CD22: variants seen among roughly 807,000 people sequenced by gnomAD.
CD22 encodes the protein B-cell receptor CD22.
A neutral mutation model predicts 94.7 loss-of-function variants in CD22; 51 were observed. That is an observed-to-expected ratio of 0.54 (90% confidence interval 0.43 to 0.68). The LOEUF (loss-of-function observed/expected upper bound fraction) is 0.68. Ranked by LOEUF, CD22 falls within the 30% of genes least tolerant of loss-of-function variation. The pLI is 0.00. For synonymous variants in CD22, 424 were observed against 422.5 expected, an observed-to-expected ratio of 1.00 and a Z score of -0.04; for missense variants, 931 against 1,060.4, an observed-to-expected ratio of 0.88 and a Z score of 1.69.
chr19:35,346,800 G>GCACACACACACACACACGCACACA lies in CD22; in HGVS notation c.*117_*140dup. 2 of 907,942 alleles carry GCACACACACACACACACGCACACA rather than the reference G, an allele frequency of 2.2e-6. No individual in the cohort carries two copies. Among genetic ancestry groups the GCACACACACACACACACGCACACA allele is most frequent in the African/African-American group, 3.5e-5 (2 of 57,568 alleles). The allele number at this position is 907,942 out of a possible 1,614,324, so 56.2% of individuals were successfully genotyped here. A position where few individuals can be genotyped will look rare whatever the true frequency, so the allele number is the denominator to read the frequency against. On this transcript the variant is annotated 3_prime_UTR_variant, in exon 14 of 14. Coordinates refer to ENST00000085219, the MANE Select transcript of CD22 (RefSeq NM_001771.4). Reference sequence around the variant, plus strand: ...ATGGCTTCCTCCTGCGCGCATGTGCGCACACACACACACACACGCACACAC... The same window carrying GCACACACACACACACACGCACACA: ...ATGGCTTCCTCCTGCGCGCATGTGCGCACACACACACACACACGCACACACACACACACACACACACGCACACAC...
At chr19:35,346,083 G>T in intron 12 of CD22, 68 bp from the exon 13 acceptor site, 2 of 1,205,424 alleles carry the variant, frequency 1.7e-6, no homozygotes, top group Non-Finnish European at 2.5e-6. Flanking sequence ...GGGGCTCTGG[G>T]TGTTGAGAGG....
chr19:35,331,949 G>A (rs1278713659), intron 1 of CD22, 70 bp from the exon 2 acceptor site: 3 of 1,610,760 alleles, frequency 1.9e-6, no homozygotes, highest in Admixed American at 1.7e-5. Context: ...AGCTCAGTGG[G>A]TGAGCAAGAA....
rs1029418682 is a variant in CD22 at position 35,346,778 on chromosome 19, G to A, written c.*81G>A. 1.5e-6 allele frequency: 2 copies of A among 1,349,618 alleles called. No homozygotes were observed. The highest frequency in any genetic ancestry group is 1.0e-6 in the Non-Finnish European group (1 of 988,986). 83.6% of individuals were successfully genotyped at this position (1,349,618 alleles called of 1,614,324 possible). On this transcript the variant is annotated 3_prime_UTR_variant, in exon 14 of 14. Transcript: ENST00000085219. Reference sequence around the variant, plus strand: ...GAGTTTCCCCAGACACCGCCACATGGCTTCCTCCTGCGCGCATGTGCGCAC... The same window carrying A: ...GAGTTTCCCCAGACACCGCCACATGACTTCCTCCTGCGCGCATGTGCGCAC...
chr19:35,336,553 T>G lies in CD22; in HGVS notation c.718+212T>G, dbSNP rs569523517. 8 of 558,884 alleles carry G rather than the reference T, an allele frequency of 1.4e-5. No individual in the cohort carries two copies. In the African/African-American group the frequency reaches 1.5e-4, roughly 10 times the overall value. 34.6% of individuals were successfully genotyped at this position (558,884 alleles called of 1,614,324 possible). A position where few individuals can be genotyped will look rare whatever the true frequency, so the allele number is the denominator to read the frequency against. On this transcript the variant is annotated intron_variant, in intron 4 of 13. Coordinates refer to ENST00000085219, the MANE Select transcript of CD22 (RefSeq NM_001771.4). ...AATGGTCCATCCTCAAGCCATGACATGAATTGGGGATTATCTGGTTAGGTC... is the reference window on the plus strand; with the variant it reads ...AATGGTCCATCCTCAAGCCATGACAGGAATTGGGGATTATCTGGTTAGGTC...
At chr19:35,334,675 A>G (rs2066693009) in intron 3 of CD22, among the ~76,000 whole-genome samples, 1 of 152,226 alleles carries the variant, frequency 6.6e-6, no homozygotes, top group Non-Finnish European at 1.5e-5. Context: ...CCACTCCACT[A>G]AAGGAATGCG....
rs142940326 is a variant in CD22, at chr19:35,341,874, G to A, written c.1944G>A (p.Pro648=). 354 of 1,614,058 alleles carry A rather than the reference G, an allele frequency of 2.2e-4. No homozygotes were observed. The highest frequency in any genetic ancestry group is 1.4e-3 in the Admixed American group (83 of 60,004). Residue 648 remains proline, a synonymous_variant, in exon 9 of 14, where the codon CCG becomes CCA. Coordinates refer to ENST00000085219, the MANE Select transcript of CD22 (RefSeq NM_001771.4). This position sits in a 1 kb window ranked among gnomAD's most constrained non-coding sequence, Gnocchi z 4.0. ...ACAGCCAGAAGCTGAGATTGGAGCCGGTGAAGGTCCAGCACTCGGGTGCCT... is the reference window on the plus strand; with the variant it reads ...ACAGCCAGAAGCTGAGATTGGAGCCAGTGAAGGTCCAGCACTCGGGTGCCT... ...PYHSQKLRLE[P]VKVQHSGAYW... is the part of the protein sequence containing the mutation.
Position 35,341,365 on chromosome 19 carries a change from C to G in CD22, c.1530C>G (p.Val510=), listed in dbSNP as rs1172595058. ...NVQYAPRDVR[V]RKIKPLSEIH... The stretch of plus-strand genomic sequence containing the variant: ...CAGATGCCCCCCGAGACGTGAGGGT[C>G]CGGAAAATCAAGCCCCTTTCCGAGA... Residue 510 remains valine (V), a synonymous_variant, in exon 8 of 14, where the codon GTC becomes GTG. Transcript: ENST00000085219. This position sits in a 1 kb window ranked among gnomAD's most constrained non-coding sequence, Gnocchi z 4.0. 6.2e-7 allele frequency: 1 copy of G among 1,613,410 alleles called. No homozygotes were observed. Among genetic ancestry groups the G allele is most frequent in the Non-Finnish European group, 8.5e-7 (1 of 1,179,848 alleles).
At chr19:35,335,238 A>T (rs114119930) in intron 3 of CD22, among the ~76,000 whole-genome samples, 15,732 of 152,014 alleles carry the variant, frequency 0.1, 1,010 homozygotes, top group East Asian at 0.19. Context: ...ATTTCGGGTG[A>T]GCAAAAGTGA....
chr19:35,332,544 G>A lies in CD22; in HGVS notation c.35-3G>A, dbSNP rs772240812. ...AGTAATGCTTTCTGATCACTGTGGT[G>A]AGTTCTAGAATACTTGGCTTTCTCT... On this transcript the variant is annotated splice_polypyrimidine_tract_variant and splice_region_variant and intron_variant, in intron 2 of 13. Transcript: ENST00000085219. The A allele has an allele frequency of 6.2e-7, 1 of 1,604,472 alleles. No individual in the cohort carries two copies. Among genetic ancestry groups the A allele is most frequent in the Non-Finnish European group, 8.5e-7 (1 of 1,175,658 alleles).
At chr19:35,329,750 T>A (rs2066620112) in intron 1 of CD22, 1 of 155,838 alleles carries the variant, frequency 6.4e-6, no homozygotes, top group African/African-American at 2.4e-5. Context: ...TGGAGGGTGC[T>A]GGCAGAGGAG....
At chr19:35,331,832 G>A (rs1568483397) in intron 1 of CD22, 187 bp from the exon 2 acceptor site, 3 of 1,226,880 alleles carry the variant, frequency 2.4e-6, no homozygotes, top group Non-Finnish European at 3.3e-6. Context: ...GGGAGACAGA[G>A]CAAGACTCTG....
In CD22 at chr19:35,344,859, C is replaced by G. The variant is rs1165436315; in HGVS notation, c.2066C>G (p.Ala689Gly). ...YSPETIGRRV[A>G]VGLGSCLAIL... ...CCGGAGACCATCGGCAGGCGAGTGG[C>G]TGTGGGACTCGGGTCCTGCCTCGCC... Residue 689 changes from alanine to glycine, a missense_variant, in exon 10 of 14, where the codon GCT becomes GGT. Coordinates refer to ENST00000085219, the MANE Select transcript of CD22 (RefSeq NM_001771.4). The G allele has an allele frequency of 6.2e-7, 1 of 1,613,646 alleles. No individual in the cohort carries two copies. Among genetic ancestry groups the G allele is most frequent in the Non-Finnish European group, 8.5e-7 (1 of 1,179,738 alleles).
chr19:35,341,995 T>G lies in CD22; in HGVS notation c.2035+30T>G, dbSNP rs1223016072. ...GGCCTCTTCCTGCTCTTGTTCTTCT[T>G]GGTGGTGGTCAGTCCTTCCTTCCTT... On this transcript the variant is annotated intron_variant, in intron 9 of 13. Coordinates refer to ENST00000085219, the MANE Select transcript of CD22 (RefSeq NM_001771.4). This position sits in a 1 kb window ranked among gnomAD's most constrained non-coding sequence, Gnocchi z 4.0. 1.0e-5 allele frequency: 16 copies of G among 1,567,940 alleles called. No individual in the cohort carries two copies. The highest frequency in any genetic ancestry group is 1.3e-5 in the Non-Finnish European group (15 of 1,153,172).
chr19:35,334,764 A>G (rs1313821630), intron 3 of CD22, among the ~76,000 whole-genome samples: 1 of 152,158 alleles, frequency 6.6e-6, no homozygotes, highest in Non-Finnish European at 1.5e-5. Context: ...CGTGAACTAA[A>G]CTGATAAAAT....
Position 35,346,317 on chromosome 19 carries a change from T to C in CD22, c.2412+82T>C, listed in dbSNP as rs547937511. 4.4e-4 allele frequency: 555 copies of C among 1,275,824 alleles called. 3 individuals are homozygous for C. The African/African-American group carries it at 7.6e-3, about 18-fold the overall frequency. The allele number at this position is 1,275,824 out of a possible 1,614,324, so 79.0% of individuals were successfully genotyped here. On this transcript the variant is annotated intron_variant, in intron 13 of 13. Transcript: ENST00000085219. ...CCTGGCCTCAGTGGTGGGTCCCACATAGGAAGGAGTTGGGTAGGCATCCGT... is the reference window on the plus strand; with the variant it reads ...CCTGGCCTCAGTGGTGGGTCCCACACAGGAAGGAGTTGGGTAGGCATCCGT...
Position 35,346,802 on chromosome 19 carries a change from A to ACACACACACACGCGCG in CD22, c.*116_*117insGCGCGCACACACACAC. 1 of 734,692 alleles carries ACACACACACACGCGCG rather than the reference A, an allele frequency of 1.4e-6. No homozygotes were observed. The highest frequency in any genetic ancestry group is 2.0e-6 in the Non-Finnish European group (1 of 500,360). The allele number at this position is 734,692 out of a possible 1,614,324, so 45.5% of individuals were successfully genotyped here. On this transcript the variant is annotated 3_prime_UTR_variant, in exon 14 of 14. Transcript: ENST00000085219. ...GGCTTCCTCCTGCGCGCATGTGCGC[A>ACACACACACACGCGCG]CACACACACACACACGCACACACAC...
In CD22 at chr19:35,346,767, A is replaced by G; in HGVS notation, c.*70A>G. The G allele has an allele frequency of 6.9e-7, 1 of 1,456,146 alleles. No homozygotes were observed. The highest frequency in any genetic ancestry group is 9.3e-7 in the Non-Finnish European group (1 of 1,077,706). The allele number at this position is 1,456,146 out of a possible 1,614,324, so 90.2% of individuals were successfully genotyped here. A position where few individuals can be genotyped will look rare whatever the true frequency, so the allele number is the denominator to read the frequency against. On this transcript the variant is annotated 3_prime_UTR_variant, in exon 14 of 14. Transcript: ENST00000085219. ...GGGAAGTCCCCGAGTTTCCCCAGAC[A>G]CCGCCACATGGCTTCCTCCTGCGCG...
Position 35,340,829 on chromosome 19 carries a change from G to C in CD22, c.1250-52G>C, listed in dbSNP as rs2066797004. 21 of 1,607,022 alleles carry C rather than the reference G, an allele frequency of 1.3e-5. 1 individual carries two copies. The South Asian group carries it at 2.3e-4, about 18-fold the overall frequency. ...GGAGAAGAGGAAGCAGGAGGGAAGG[G>C]GTACTGTGGACAGCTGGCTTTTCTT... On this transcript the variant is annotated intron_variant, in intron 6 of 13. Transcript: ENST00000085219.
intron 1 of CD22, chr19:35,331,159 G>A (rs955492340): frequency 6.6e-6 from 1 of 152,186 alleles, no homozygotes; most frequent in East Asian, 1.9e-4. Flanking sequence ...CTGACCTCAA[G>A]TGATCTGCCT....
Sources: gnomAD v4.1 joint callset for allele counts (sites outside exome capture counted in the v4.1 genomes callset) on GRCh38, gnomAD v4.1.1 for gene constraint, Gnocchi (gnomAD v3.1) non-coding constraint, MANE v1.5 for transcripts, NCBI Gene and HGNC (gene_info 2026-07-23, HGNC 2026-07-21) for gene names.